Variants in ALK observed in about 807,000 individuals in gnomAD.
ALK encodes ALK receptor tyrosine kinase.
In ALK, 74 loss-of-function variants were observed where a neutral mutation model predicts 163.1. The ratio of observed to expected loss-of-function variants is 0.45; its 90% CI spans 0.38 to 0.55. The LOEUF (loss-of-function observed/expected upper bound fraction) is 0.55. Ranked by LOEUF, ALK falls within the 20% of genes least tolerant of loss-of-function variation. The pLI is 0.00. For synonymous variants in ALK, 960 were observed against 843.2 expected (o/e 1.14, Z -2.40); for missense variants, 2,063 against 2,105.3 (o/e 0.98, Z 0.39).
At chr2:29,722,304 A>G (rs1679443861) in intron 1 of ALK, among the ~76,000 whole-genome samples, 1 of 152,160 alleles carries the variant, frequency 6.6e-6, no homozygotes, top group African/African-American at 2.4e-5. Context: ...GGGACACCAG[A>G]CCCTTCCTGT....
chr2:29,513,675 T>C (rs1299422742), intron 4 of ALK, among the ~76,000 whole-genome samples: 1 of 151,296 alleles, frequency 6.6e-6, no homozygotes, highest in Admixed American at 6.6e-5. Context: ...AAACAGCTTC[T>C]GCACAGCAAA....
chr2:29,833,236 C>T (rs999526038), intron 1 of ALK, among the ~76,000 whole-genome samples: 5 of 152,222 alleles, frequency 3.3e-5, no homozygotes, highest in African/African-American at 1.2e-4. Flanking sequence ...AAAGGCATCC[C>T]TGCTCTGCAT....
intron 3 of ALK, among the ~76,000 whole-genome samples, chr2:29,553,055 C>G (rs907600583): frequency 1.2e-4 from 18 of 152,178 alleles, no homozygotes; most frequent in South Asian, 2.1e-4. Flanking sequence ...CTTCCAGATT[C>G]AGCTCAGGAT....
At chr2:29,533,849 C>T (rs965655670) in intron 3 of ALK, among the ~76,000 whole-genome samples, 14 of 152,064 alleles carry the variant, frequency 9.2e-5, no homozygotes, top group African/African-American at 2.9e-4. Context: ...CACATCCAGG[C>T]AAAACATGTT....
intron 4 of ALK, among the ~76,000 whole-genome samples, chr2:29,470,260 AG>A (rs1379900397): frequency 6.6e-6 from 1 of 152,202 alleles, no homozygotes; most frequent in East Asian, 1.9e-4. Flanking sequence ...CACAATGAAA[AG>A]GTCTAAAATA....
Position 29,653,825 on chromosome 2 carries a change from G to A in ALK, c.952+41025C>T, listed in dbSNP as rs145893552. On this transcript the variant is annotated intron_variant, in intron 3 of 28. Transcript: ENST00000389048. Reference sequence around the variant, plus strand: ...ACCTGCAATTCCAGCACTTTGGGAGGCCAAGGCAGGAGGATCACTTGAGAT... The same window carrying A: ...ACCTGCAATTCCAGCACTTTGGGAGACCAAGGCAGGAGGATCACTTGAGAT... Among the ~76,000 whole-genome samples the A allele has an allele frequency of 5.3e-5, 8 of 152,230 alleles. No homozygotes were observed. The East Asian group carries it at 1.5e-3, about 29-fold the overall frequency.
At position 29,193,890 on chromosome 2, in the gene ALK, T is replaced by G; in HGVS notation, c.4197A>C (p.Ile1399=). 6.2e-7 allele frequency: 1 copy of G among 1,614,160 alleles called. No homozygotes were observed. Among genetic ancestry groups the G allele is most frequent in the Non-Finnish European group, 8.5e-7 (1 of 1,180,018 alleles). ...DPDVINTALP[I]EYGPLVEEEE... Reference sequence around the variant, plus strand: ...CCTCTTCCACAAGTGGACCATATTCTATCGGCAAAGCGGTGTTGATTACAT... The same window carrying G: ...CCTCTTCCACAAGTGGACCATATTCGATCGGCAAAGCGGTGTTGATTACAT... The change falls in exon 29 of 29, where the codon ATA becomes ATC. Residue 1399 remains isoleucine (I), a synonymous_variant. Transcript: ENST00000389048.
intron 3 of ALK, among the ~76,000 whole-genome samples, chr2:29,585,949 TTAA>T (rs1281482290): frequency 6.6e-6 from 1 of 152,190 alleles, no homozygotes; most frequent in African/African-American, 2.4e-5. Flanking sequence ...CATAACATTT[TTAA>T]TACTTTTGAT....
chr2:29,402,551 GC>G (rs1315277898), intron 4 of ALK, among the ~76,000 whole-genome samples: 1 of 152,222 alleles, frequency 6.6e-6, no homozygotes, highest in Non-Finnish European at 1.5e-5. Flanking sequence ...ATAGAAGAGT[GC>G]TTTGAAGATA....
intron 3 of ALK, among the ~76,000 whole-genome samples, chr2:29,638,002 A>C (rs7598612): frequency 0.63 from 96,101 of 151,834 alleles, 31,479 homozygotes; most frequent in Middle Eastern, 0.75. Flanking sequence ...ATCAATGTAT[A>C]TGTCAATGAA....
intron 1 of ALK, among the ~76,000 whole-genome samples, chr2:29,755,399 A>G (rs1244805710): frequency 6.6e-6 from 1 of 152,212 alleles, no homozygotes; most frequent in African/African-American, 2.4e-5. Flanking sequence ...GTGCTTTAAG[A>G]AGGAACCTTG....
chr2:29,598,554 C>T (rs962544648), intron 3 of ALK, among the ~76,000 whole-genome samples: 3 of 152,100 alleles, frequency 2.0e-5, no homozygotes, highest in African/African-American at 7.2e-5. Flanking sequence ...AATAGGGCAG[C>T]CATGGGTCTA....
intron 4 of ALK, among the ~76,000 whole-genome samples, chr2:29,434,004 T>C (rs1409819164): frequency 6.6e-6 from 1 of 152,170 alleles, no homozygotes; most frequent in African/African-American, 2.4e-5. Flanking sequence ...TCTCAAGAGT[T>C]GGAACCAGTC....
intron 3 of ALK, among the ~76,000 whole-genome samples, chr2:29,634,859 T>G (rs972275708): frequency 6.6e-6 from 1 of 152,124 alleles, no homozygotes; most frequent in Non-Finnish European, 1.5e-5. Context: ...TGTCCCTATT[T>G]TCAGAGGGCA....
At chr2:29,854,369 T>C (rs1459792548) in intron 1 of ALK, among the ~76,000 whole-genome samples, 1 of 152,088 alleles carries the variant, frequency 6.6e-6, no homozygotes, top group African/African-American at 2.4e-5. Flanking sequence ...CACTGTTAGT[T>C]CACACAAGAG....
At chr2:29,253,873 TAG>T (rs1491226643) in intron 11 of ALK, among the ~76,000 whole-genome samples, 1 of 151,684 alleles carries the variant, frequency 6.6e-6, no homozygotes, top group Non-Finnish European at 1.5e-5. Flanking sequence ...GATAGATAGA[TAG>T]ATAGATAGAT....
intron 1 of ALK, among the ~76,000 whole-genome samples, chr2:29,837,626 C>T (rs547075034): frequency 2.0e-4 from 30 of 152,126 alleles, no homozygotes; most frequent in African/African-American, 7.0e-4. Context: ...CTAAACTAGC[C>T]CTAGGTTAAA....
intron 9 of ALK, among the ~76,000 whole-genome samples, chr2:29,289,843 C>T (rs113528472): frequency 0.014 from 2,086 of 152,246 alleles, 32 homozygotes; most frequent in South Asian, 0.04. Flanking sequence ...GGACTCACCA[C>T]TGGCAACCAG....
intron 3 of ALK, among the ~76,000 whole-genome samples, chr2:29,575,531 G>A (rs931878853): frequency 6.6e-6 from 1 of 152,148 alleles, no homozygotes; most frequent in Admixed American, 6.5e-5. Context: ...AAGCACGAAG[G>A]CTCGGGTCAG....
Sources: gnomAD v4.1 joint callset for allele counts (sites outside exome capture counted in the v4.1 genomes callset) on GRCh38, gnomAD v4.1.1 for gene constraint, MANE v1.5 for transcripts, NCBI Gene and HGNC (gene_info 2026-07-23, HGNC 2026-07-21) for gene names.